COL14A1: variants seen among roughly 807,000 people sequenced by gnomAD.
The protein encoded by COL14A1 is collagen alpha-1(XIV) chain.
Under a neutral mutation model 230.3 loss-of-function variants are expected in COL14A1, and 136 were observed. The ratio of observed to expected loss-of-function variants is 0.59; its 90% CI spans 0.51 to 0.68. The LOEUF (loss-of-function observed/expected upper bound fraction) is 0.68, where lower values mean the gene tolerates loss of function less well. Ranked by LOEUF, COL14A1 falls within the 30% of genes least tolerant of loss-of-function variation. The pLI is 0.00. For missense variants in COL14A1, 1,976 were observed against 2,215.8 expected, an observed-to-expected ratio of 0.89 and a Z score of 2.17; for synonymous variants, 792 against 784.1, an observed-to-expected ratio of 1.01 and a Z score of -0.17.
At chr8:120,250,791 A>C in intron 22 of COL14A1, 25 bp downstream of exon 22, 1 of 1,612,732 alleles carries the variant, frequency 6.2e-7, no homozygotes, top group South Asian at 1.1e-5. Context: ...CGATGGCCTC[A>C]GCCGCATATG....
chr8:120,291,584 A>G (rs1315833432), intron 34 of COL14A1, among the ~76,000 whole-genome samples: 1 of 149,108 alleles, frequency 6.7e-6, no homozygotes, highest in Non-Finnish European at 1.5e-5. Context: ...AAAAAAAACC[A>G]AAAAACCACA....
intron 3 of COL14A1, 60 bp downstream of exon 3, chr8:120,158,306 AAAAC>A (rs1159616684): frequency 4.3e-6 from 4 of 940,692 alleles, no homozygotes; most frequent in Admixed American, 3.6e-5. Flanking sequence ...TAGGCAACTA[AAAAC>A]ATGTAGTGCC....
intron 1 of COL14A1, among the ~76,000 whole-genome samples, chr8:120,146,374 G>A (rs1279539135): frequency 6.6e-6 from 1 of 152,062 alleles, no homozygotes; most frequent in Non-Finnish European, 1.5e-5. Context: ...AGCTTATTAT[G>A]CTTCCTTCTT....
chr8:120,199,403 T>G lies in COL14A1; in HGVS notation c.714T>G (p.Gly238=). The G allele has an allele frequency of 1.3e-6, 2 of 1,588,614 alleles. No individual in the cohort carries two copies. The highest frequency in any genetic ancestry group is 8.5e-7 in the Non-Finnish European group (1 of 1,171,646). ...LPYKGGNTLT[G]LALNYIFENS... ...TTACTTTTCCTTGTTTTCTCCAAGG[T>G]CTTGCTTTGAACTACATTTTTGAAA... Residue 238 remains glycine, a splice_region_variant and synonymous_variant, in exon 8 of 48, where the codon GGT becomes GGG. Coordinates refer to ENST00000297848, the MANE Select transcript of COL14A1 (RefSeq NM_021110.4).
chr8:120,262,224 G>A (rs1344230497), intron 23 of COL14A1, among the ~76,000 whole-genome samples: 1 of 152,118 alleles, frequency 6.6e-6, no homozygotes, highest in African/African-American at 2.4e-5. Flanking sequence ...TGTAATCCCA[G>A]CACTTTCAGA....
chr8:120,175,366 G>A (rs2130613837), intron 5 of COL14A1, among the ~76,000 whole-genome samples: 1 of 152,208 alleles, frequency 6.6e-6, no homozygotes, highest in Middle Eastern at 3.4e-3. Flanking sequence ...AGACTGATAG[G>A]AAAAACAGCA....
intron 19 of COL14A1, among the ~76,000 whole-genome samples, chr8:120,237,172 G>A (rs942056475): frequency 7.9e-5 from 12 of 152,182 alleles, no homozygotes; most frequent in Non-Finnish European, 1.2e-4. Context: ...CTAGGTTGGG[G>A]AAGTTCTCCT....
rs892361064 is a variant in COL14A1 at position 120,372,613 on chromosome 8, G to A, written c.*1382G>A. Among the ~76,000 whole-genome samples the A allele has an allele frequency of 6.6e-6, 1 of 152,162 alleles. No homozygotes were observed. The highest frequency in any genetic ancestry group is 2.4e-5 in the African/African-American group (1 of 41,444). On this transcript the variant is annotated 3_prime_UTR_variant, in exon 48 of 48. Transcript: ENST00000297848. ...GGGATGGGATCATTTACAACTAGAA[G>A]CTGGATTCTTTCTGGATCAGGAAAA...
intron 40 of COL14A1, among the ~76,000 whole-genome samples, chr8:120,321,633 A>G (rs1821447650): frequency 1.8e-5 from 2 of 109,798 alleles, no homozygotes; most frequent in African/African-American, 7.6e-5. Context: ...ACAGAACAAG[A>G]CTTGTCTCAG....
rs752016760 is a variant in COL14A1, at chr8:120,209,839, G to C, written c.1405G>C (p.Ala469Pro). ...MRVKWDAVPG[A>P]SGYLILYAPL... ...AGTCAAATGGGATGCAGTGCCTGGG[G>C]CCTCAGGTTACCTGATCCTTTATGC... is the stretch of plus-strand genomic sequence containing the variant. The change falls in exon 12 of 48, where the codon GCC becomes CCC. Residue 469 changes from alanine (A) to proline (P), a missense_variant. Ala to Pro is a conservative substitution (Grantham distance 27, BLOSUM62 -1). This residue lies in a region of COL14A1 where 1,791 missense variants were observed against 2,019.5 expected (regional missense o/e 0.89). Coordinates refer to ENST00000297848, the MANE Select transcript of COL14A1 (RefSeq NM_021110.4). 6.2e-7 allele frequency: 1 copy of C among 1,613,826 alleles called. No individual in the cohort carries two copies. The highest frequency in any genetic ancestry group is 8.5e-7 in the Non-Finnish European group (1 of 1,179,876).
chr8:120,300,919 C>T, intron 36 of COL14A1, 101 bp downstream of exon 36: 1 of 896,492 alleles, frequency 1.1e-6, no homozygotes, highest in South Asian at 1.6e-5. Context: ...ATGGCTATTA[C>T]TCACTTAATT....
intron 14 of COL14A1, among the ~76,000 whole-genome samples, chr8:120,217,989 ACAAAT>A (rs1563678183): frequency 1.4e-5 from 2 of 140,186 alleles, no homozygotes; most frequent in African/African-American, 5.2e-5. Flanking sequence ...ATATATATTT[ACAAAT>A]ATATATTATA....
intron 45 of COL14A1, among the ~76,000 whole-genome samples, chr8:120,364,092 A>G (rs1271395257): frequency 6.6e-6 from 1 of 150,574 alleles, no homozygotes; most frequent in Non-Finnish European, 1.5e-5. Flanking sequence ...GAGTCCCATG[A>G]GTCTCCTGAG....
chr8:120,298,636 T>TATATATATAC (rs1554620787), intron 35 of COL14A1, among the ~76,000 whole-genome samples: 3 of 124,532 alleles, frequency 2.4e-5, no homozygotes, highest in Admixed American at 8.0e-5. Flanking sequence ...TATATATATA[T>TATATATATAC]ATACAAAAAT....
intron 14 of COL14A1, among the ~76,000 whole-genome samples, chr8:120,219,684 T>A (rs1300334164): frequency 6.6e-6 from 1 of 152,162 alleles, no homozygotes; most frequent in African/African-American, 2.4e-5. Flanking sequence ...GACACAACCT[T>A]CCAGACCATA....
chr8:120,268,104 G>GATGGCATGC (rs1819551523), intron 25 of COL14A1, among the ~76,000 whole-genome samples: 1 of 151,830 alleles, frequency 6.6e-6, no homozygotes, highest in African/African-American at 2.4e-5. Context: ...TTCATCCTAG[G>GATGGCATGC]ATGGCATGCA....
At chr8:120,143,341 G>A (rs1480270884) in intron 1 of COL14A1, among the ~76,000 whole-genome samples, 6 of 152,168 alleles carry the variant, frequency 3.9e-5, no homozygotes, top group Admixed American at 6.5e-5. Flanking sequence ...GGGACTGGCC[G>A]GGCACAGTGG....
intron 24 of COL14A1, 41 bp from the exon 25 acceptor site, chr8:120,266,786 T>G (rs745628519): frequency 2.2e-4 from 342 of 1,525,108 alleles, no homozygotes; most frequent in Non-Finnish European, 2.8e-4. Flanking sequence ...TCCCCACAGA[T>G]GAGATGGTGA....
intron 23 of COL14A1, among the ~76,000 whole-genome samples, chr8:120,262,033 C>CTGTATCTTTGGAA (rs1819343003): frequency 6.6e-6 from 1 of 152,086 alleles, no homozygotes; most frequent in Admixed American, 6.5e-5. Context: ...CTTCTGAGAC[C>CTGTATCTTTGGAA]CATACCTGTA....
Sources: gnomAD v4.1 joint callset for allele counts (sites outside exome capture counted in the v4.1 genomes callset) on GRCh38, gnomAD v4.1.1 for gene constraint, gnomAD v4.1.1 regional missense constraint, MANE v1.5 for transcripts, NCBI Gene and HGNC (gene_info 2026-07-23, HGNC 2026-07-21) for gene names.